ERC2: variants seen among roughly 807,000 people sequenced by gnomAD.
ERC2 encodes the protein ELKS/RAB6-interacting/CAST family member 2, also known as ERC protein 2.
A neutral mutation model predicts 114.8 loss-of-function variants in ERC2; 42 were observed. That is an observed-to-expected ratio of 0.37 (90% CI 0.29 to 0.47). The LOEUF (loss-of-function observed/expected upper bound fraction) is 0.47. ERC2 is among the 20% of genes least tolerant of loss of function. The pLI is 0.99. For missense variants in ERC2, 939 were observed against 1,150.7 expected, an observed-to-expected ratio of 0.82 and a Z score of 2.66; for synonymous variants, 454 against 425.5, an observed-to-expected ratio of 1.07 and a Z score of -0.82.
chr3:56,024,240 G>A (rs79216129), intron 7 of ERC2, among the ~76,000 whole-genome samples: 2,319 of 152,272 alleles, frequency 0.015, 17 homozygotes, highest in African/African-American at 0.032. Flanking sequence ...ATTATGCCCA[G>A]AGTTTTGATG....
intron 11 of ERC2, among the ~76,000 whole-genome samples, chr3:55,989,921 A>G (rs1338249368): frequency 6.6e-6 from 1 of 152,184 alleles, no homozygotes; most frequent in Non-Finnish European, 1.5e-5. Flanking sequence ...ACCACTTCTC[A>G]GAGCAGTGGA....
rs545260758 is a variant in ERC2, at chr3:55,934,996, T to C, written c.2403+15429A>G. Among the ~76,000 whole-genome samples the C allele has an allele frequency of 1.1e-4, 17 of 152,334 alleles. No individual in the cohort carries two copies. In the East Asian group the frequency reaches 3.3e-3, roughly 29 times the overall value. ...TGCACATAATCCCCATTCTAAGCAG[T>C]GACCTTGGAGGCTGTGACCTACTCC... On this transcript the variant is annotated intron_variant, in intron 13 of 17. Transcript: ENST00000288221.
chr3:55,717,736 T>C (rs2064207884), intron 15 of ERC2, among the ~76,000 whole-genome samples: 1 of 152,174 alleles, frequency 6.6e-6, no homozygotes, highest in African/African-American at 2.4e-5. Flanking sequence ...AACTATCCTT[T>C]GCATTCTCTG....
At chr3:55,864,762 A>AGTC (rs1220588505) in intron 14 of ERC2, among the ~76,000 whole-genome samples, 3 of 152,110 alleles carry the variant, frequency 2.0e-5, no homozygotes, top group Non-Finnish European at 4.4e-5. Flanking sequence ...TCACAATCAC[A>AGTC]GTCATCATCA....
chr3:56,412,052 A>T (rs948540866), intron 2 of ERC2, among the ~76,000 whole-genome samples: 2 of 152,216 alleles, frequency 1.3e-5, no homozygotes, highest in Non-Finnish European at 2.9e-5. Context: ...TCAGGATGAG[A>T]TCACCCTGGA....
intron 3 of ERC2, among the ~76,000 whole-genome samples, chr3:56,285,496 C>A (rs1030349133): frequency 3.9e-5 from 6 of 152,120 alleles, no homozygotes; most frequent in Admixed American, 6.6e-5. Flanking sequence ...TGGGCTACAC[C>A]AAGCCAGCAA....
At chr3:56,052,645 A>G (rs1245343107) in intron 7 of ERC2, among the ~76,000 whole-genome samples, 2 of 152,200 alleles carry the variant, frequency 1.3e-5, no homozygotes, top group African/African-American at 4.8e-5. Flanking sequence ...GTAAAATGGG[A>G]TAATAGTAAC....
chr3:56,413,096 A>G (rs1003531138), intron 2 of ERC2, among the ~76,000 whole-genome samples: 15 of 152,220 alleles, frequency 9.9e-5, no homozygotes, highest in African/African-American at 3.6e-4. Context: ...CAGGACATTG[A>G]CTAGGACATG....
At chr3:56,138,469 G>A (rs189617890) in intron 6 of ERC2, among the ~76,000 whole-genome samples, 10 of 152,348 alleles carry the variant, frequency 6.6e-5, no homozygotes, top group Admixed American at 6.5e-4. Context: ...CAAAGGTATA[G>A]GGGCTGAGTC....
intron 7 of ERC2, among the ~76,000 whole-genome samples, chr3:56,024,451 G>C (rs867611846): frequency 6.6e-6 from 1 of 152,164 alleles, no homozygotes; most frequent in African/African-American, 2.4e-5. Context: ...ACTGACCCCC[G>C]GACAACACCA....
At chr3:55,654,815 T>C (rs1458716689) in intron 17 of ERC2, among the ~76,000 whole-genome samples, 1 of 152,226 alleles carries the variant, frequency 6.6e-6, no homozygotes, top group Admixed American at 6.5e-5. Flanking sequence ...GTTAGATGGA[T>C]GTTTTGGACA....
intron 10 of ERC2, among the ~76,000 whole-genome samples, chr3:55,993,855 T>C (rs989307662): frequency 2.6e-5 from 4 of 152,108 alleles, no homozygotes; most frequent in African/African-American, 9.6e-5. Context: ...TGAAAGAGAA[T>C]CCTGAGCTAA....
chr3:55,929,472 C>T (rs746320337), intron 13 of ERC2, among the ~76,000 whole-genome samples: 1 of 152,206 alleles, frequency 6.6e-6, no homozygotes, highest in Non-Finnish European at 1.5e-5. Context: ...ATCTTCCTTG[C>T]ATGCCCACTT....
intron 7 of ERC2, among the ~76,000 whole-genome samples, chr3:56,050,197 G>A (rs528883209): frequency 9.2e-5 from 14 of 152,256 alleles, no homozygotes; most frequent in Non-Finnish European, 1.9e-4. Context: ...TTAACTGTAT[G>A]TAAGTAATAT....
chr3:55,684,197 T>C (rs1473922192), intron 16 of ERC2, among the ~76,000 whole-genome samples: 1 of 152,202 alleles, frequency 6.6e-6, no homozygotes, highest in Non-Finnish European at 1.5e-5. Flanking sequence ...GAATTGCATA[T>C]GCCTAAGGAG....
intron 15 of ERC2, among the ~76,000 whole-genome samples, chr3:55,729,401 C>T (rs2065109350): frequency 6.6e-6 from 1 of 152,168 alleles, no homozygotes. Flanking sequence ...CCCATCCTGT[C>T]TACCCTATTT....
At chr3:55,763,875 C>A (rs2149002748) in intron 14 of ERC2, among the ~76,000 whole-genome samples, 1 of 152,164 alleles carries the variant, frequency 6.6e-6, no homozygotes, top group South Asian at 2.1e-4. Flanking sequence ...TATAATAGTA[C>A]CTAATAAAAT....
At chr3:55,512,095 A>C (rs182341001) in intron 17 of ERC2, among the ~76,000 whole-genome samples, 1 of 152,256 alleles carries the variant, frequency 6.6e-6, no homozygotes, top group Non-Finnish European at 1.5e-5. Context: ...ACACTCGTGT[A>C]CACACAAGTC....
chr3:56,326,424 C>A (rs2057365040), intron 2 of ERC2, among the ~76,000 whole-genome samples: 2 of 152,152 alleles, frequency 1.3e-5, no homozygotes, highest in Admixed American at 1.3e-4. Flanking sequence ...ACAGTCTCAA[C>A]CCACCCACCC....
Sources: allele counts gnomAD v4.1 joint callset (sites outside exome capture counted in the v4.1 genomes callset), GRCh38; gene constraint gnomAD v4.1.1; transcripts MANE v1.5; gene names NCBI Gene and HGNC (gene_info 2026-07-23, HGNC 2026-07-21).